TBCD: variants seen among roughly 807,000 people sequenced by gnomAD.
TBCD encodes tubulin-specific chaperone D.
In TBCD, 105 loss-of-function variants were observed where a neutral mutation model predicts 169.3. That is an observed-to-expected ratio of 0.62 (90% CI 0.53 to 0.73). The LOEUF is 0.73. Ranked by LOEUF, TBCD falls within the 30% of genes least tolerant of loss-of-function variation. The pLI, the probability that TBCD is intolerant of heterozygous loss-of-function variation, is 0.00. For missense variants in TBCD, 1,444 were observed against 1,600.1 expected (o/e 0.90, Z 1.66); for synonymous variants, 700 against 643.9 (o/e 1.09, Z -1.32).
intron 13 of TBCD, among the ~76,000 whole-genome samples, chr17:82,843,158 C>T (rs956025441): frequency 3.3e-5 from 5 of 152,278 alleles, no homozygotes; most frequent in Non-Finnish European, 7.4e-5. Context: ...GATTCTTTCT[C>T]TCTTAACATT....
intron 26 of TBCD, among the ~76,000 whole-genome samples, chr17:82,924,726 C>T (rs1456407838): frequency 6.6e-6 from 1 of 152,140 alleles, no homozygotes; most frequent in Admixed American, 6.5e-5. Context: ...GCACTCCAGC[C>T]TGGGTGACAG....
At chr17:82,794,259 G>A (rs541699788) in intron 7 of TBCD, among the ~76,000 whole-genome samples, 27 of 152,382 alleles carry the variant, frequency 1.8e-4, no homozygotes, top group African/African-American at 5.8e-4. Context: ...TGCCCCAGGG[G>A]GGGGAAGCTG....
intron 1 of TBCD, among the ~76,000 whole-genome samples, chr17:82,755,609 G>C (rs184709392): frequency 4.0e-4 from 61 of 152,268 alleles, no homozygotes; most frequent in Admixed American, 2.0e-3. Context: ...GGTATAATGA[G>C]GCCTATGTGG....
At chr17:82,827,687 C>T (rs1350909456) in intron 13 of TBCD, among the ~76,000 whole-genome samples, 2 of 152,160 alleles carry the variant, frequency 1.3e-5, no homozygotes, top group Non-Finnish European at 2.9e-5. Flanking sequence ...ACTACCCCCA[C>T]AGATAGCACA....
At chr17:82,853,136 G>A (rs2055947198) in intron 13 of TBCD, among the ~76,000 whole-genome samples, 1 of 152,042 alleles carries the variant, frequency 6.6e-6, no homozygotes, top group Non-Finnish European at 1.5e-5. Context: ...CTGGAGTGCA[G>A]TGGTGTGATC....
Position 82,870,344 on chromosome 17 carries a change from C to G in TBCD, c.1439C>G (p.Pro480Arg). ...TGGGCCTTCGCGCGTGCCTATGAGCCTCAGGAGCTGAAGCCCTTTGTGACT... is the reference window on the plus strand; with the variant it reads ...TGGGCCTTCGCGCGTGCCTATGAGCGTCAGGAGCTGAAGCCCTTTGTGACT... ...VCWAFARAYE[P>R]QELKPFVTAI... Residue 480 changes from proline to arginine, a missense_variant, in exon 14 of 39, where the codon CCT (proline) becomes CGT (arginine). Transcript: ENST00000355528. 2 of 1,613,432 alleles carry G rather than the reference C, an allele frequency of 1.2e-6. No individual in the cohort carries two copies. The highest frequency in any genetic ancestry group is 1.7e-6 in the Non-Finnish European group (2 of 1,179,856).
In TBCD at chr17:82,942,564, T is replaced by C; in HGVS notation, c.*101T>C. On this transcript the variant is annotated 3_prime_UTR_variant, in exon 39 of 39. Transcript: ENST00000355528. ...CCTCGCACAGTGGTGCCTCCAGCTG[T>C]TGAAGGGTAGCGCTGGCCCTTGGAG... 6.5e-7 allele frequency: 1 copy of C among 1,546,976 alleles called. No individual in the cohort carries two copies.
chr17:82,898,015 G>A (rs369484514), intron 17 of TBCD, among the ~76,000 whole-genome samples: 3 of 149,308 alleles, frequency 2.0e-5, no homozygotes, highest in Non-Finnish European at 4.4e-5. Flanking sequence ...TTGAGCCCCT[G>A]TGGGTTTTGG....
chr17:82,798,888 G>A (rs2050297283), intron 8 of TBCD, among the ~76,000 whole-genome samples: 1 of 152,110 alleles, frequency 6.6e-6, no homozygotes, highest in East Asian at 1.9e-4. Flanking sequence ...GACTACAGGC[G>A]AGCTCTACCA....
At chr17:82,857,850 T>C (rs143708719) in intron 13 of TBCD, among the ~76,000 whole-genome samples, 1,527 of 151,964 alleles carry the variant, frequency 0.01, 30 homozygotes, top group African/African-American at 0.034. Context: ...TAGTTACATA[T>C]GTATACATGT....
At chr17:82,911,054 C>G (rs1182865126) in intron 22 of TBCD, among the ~76,000 whole-genome samples, 1 of 152,190 alleles carries the variant, frequency 6.6e-6, no homozygotes, top group Non-Finnish European at 1.5e-5. Context: ...TGTTTGGGCT[C>G]CACCCCACAC....
At position 82,772,441 on chromosome 17, in the gene TBCD, C is replaced by T. The variant is rs2048356920; in HGVS notation, c.583-11C>T. On this transcript the variant is annotated splice_polypyrimidine_tract_variant and intron_variant, in intron 5 of 38. Coordinates refer to ENST00000355528, the MANE Select transcript of TBCD (RefSeq NM_005993.5). Reference sequence around the variant, plus strand: ...GGAGTGACCGTGTCTGTGCTTCACCCTTTCTTGCAGTCCTACTTGATTGTC... The same window carrying T: ...GGAGTGACCGTGTCTGTGCTTCACCTTTTCTTGCAGTCCTACTTGATTGTC... 1 of 1,613,936 alleles carries T rather than the reference C, an allele frequency of 6.2e-7. No homozygotes were observed. Among genetic ancestry groups the T allele is most frequent in the East Asian group, 2.2e-5 (1 of 44,878 alleles).
chr17:82,800,946 T>C lies in TBCD; in HGVS notation c.900T>C (p.Leu300=). ...TGCTGCGGAAGCTGGGGGTGAAGCT[T>C]GTGCAGCGACTGGGGCTGACATTCC... The part of the protein sequence containing the change: ...QTLLRKLGVK[L]VQRLGLTFLK... The change falls in exon 9 of 39, where the codon CTT becomes CTC. Residue 300 remains leucine, a synonymous_variant. Transcript: ENST00000355528. The C allele has an allele frequency of 1.2e-6, 2 of 1,611,696 alleles. No individual in the cohort carries two copies. Among genetic ancestry groups the C allele is most frequent in the Admixed American group, 1.7e-5 (1 of 59,888 alleles).
At chr17:82,909,871 G>C (rs1228004631) in intron 22 of TBCD, among the ~76,000 whole-genome samples, 1 of 152,214 alleles carries the variant, frequency 6.6e-6, no homozygotes, top group Non-Finnish European at 1.5e-5. Flanking sequence ...TTCCCTCTGT[G>C]CCTTTGCAGC....
intron 1 of TBCD, among the ~76,000 whole-genome samples, chr17:82,755,899 G>C (rs990235871): frequency 6.6e-6 from 1 of 152,178 alleles, no homozygotes; most frequent in Non-Finnish European, 1.5e-5. Context: ...AGAGTATCGA[G>C]GCAGTGGGAA....
At chr17:82,856,384 A>G (rs1340694403) in intron 13 of TBCD, among the ~76,000 whole-genome samples, 1 of 151,418 alleles carries the variant, frequency 6.6e-6, no homozygotes, top group Non-Finnish European at 1.5e-5. Flanking sequence ...AGATGAGAGG[A>G]TCATTTGAGG....
At chr17:82,779,656 G>A (rs1056980216) in intron 6 of TBCD, among the ~76,000 whole-genome samples, 1 of 152,220 alleles carries the variant, frequency 6.6e-6, no homozygotes, top group Admixed American at 6.5e-5. Context: ...CCCTGAGAGG[G>A]CTTGTCCCCA....
At chr17:82,941,257 C>T in intron 37 of TBCD, 142 bp from the exon 38 acceptor site, 1 of 664,544 alleles carries the variant, frequency 1.5e-6, no homozygotes, top group Non-Finnish European at 2.5e-6. Flanking sequence ...GACGTCTTTT[C>T]TGCCCTCAGC....
intron 12 of TBCD, among the ~76,000 whole-genome samples, chr17:82,810,241 G>GATCA (rs2051331004): frequency 6.6e-6 from 1 of 152,220 alleles, no homozygotes; most frequent in Non-Finnish European, 1.5e-5. Flanking sequence ...AGGACGGCTT[G>GATCA]AGCCTGTGAA....
Sources: allele counts gnomAD v4.1 joint callset (sites outside exome capture counted in the v4.1 genomes callset), GRCh38; gene constraint gnomAD v4.1.1; transcripts MANE v1.5; gene names NCBI Gene and HGNC (gene_info 2026-07-23, HGNC 2026-07-21).